The following TEX26 variants were observed in gnomAD, a reference collection of about 807,000 sequenced individuals.
TEX26 encodes the protein testis-expressed protein 26.
In TEX26, 34 loss-of-function variants were observed where a neutral mutation model predicts 35.3. That is an observed-to-expected ratio of 0.96 (90% confidence interval 0.73 to 1.28). TEX26 has a LOEUF of 1.28. Among genes scored for constraint, TEX26 ranks in the 50% most tolerant of loss-of-function variants. The pLI is 0.00. For missense variants in TEX26, 371 were observed against 330.1 expected, an observed-to-expected ratio of 1.12 and a Z score of -0.96; for synonymous variants, 136 against 111.8, an observed-to-expected ratio of 1.22 and a Z score of -1.36.
At position 30,974,872 on chromosome 13, in the gene TEX26, C is replaced by T. The variant is rs775005047; in HGVS notation, c.835C>T (p.Arg279Cys). 1.6e-5 allele frequency: 25 copies of T among 1,563,800 alleles called. No homozygotes were observed. Among genetic ancestry groups the T allele is most frequent in the South Asian group, 2.5e-5 (2 of 81,444 alleles). The change falls in exon 7 of 7, where the codon CGT (arginine) becomes TGT (cysteine). Residue 279 changes from arginine to cysteine, a missense_variant. By Grantham distance (180) the Arg-to-Cys change is radical. Coordinates refer to ENST00000380473, the MANE Select transcript of TEX26 (RefSeq NM_152325.3). ...TAGACAAATTATTGATCGCTTTATT[C>T]GTACTCACTGTGACACTAACAAAAA... ...KDRQIIDRFI[R>C]THCDTNKKKK
intron 2 of TEX26, among the ~76,000 whole-genome samples, chr13:30,944,555 C>T (rs1224594116): frequency 6.6e-6 from 1 of 151,956 alleles, no homozygotes; most frequent in African/African-American, 2.4e-5. Flanking sequence ...TGTGATCTTT[C>T]AGACTTTTTG....
In TEX26 at chr13:30,966,273, T is replaced by G. The variant is rs1465722424; in HGVS notation, c.521T>G (p.Leu174Arg). The G allele has an allele frequency of 6.2e-7, 1 of 1,613,942 alleles. No homozygotes were observed. The highest frequency in any genetic ancestry group is 8.5e-7 in the Non-Finnish European group (1 of 1,180,012). ...SHLSLEWKKL[L>R]PQPPDTEFRR... Reference sequence around the variant, plus strand: ...TTGTCTCTGGAATGGAAAAAGTTACTTCCCCAACCTCCAGACACTGAATTC... The same window carrying G: ...TTGTCTCTGGAATGGAAAAAGTTACGTCCCCAACCTCCAGACACTGAATTC... Residue 174 changes from leucine to arginine, a missense_variant, in exon 5 of 7, where the codon CTT (leucine) becomes CGT (arginine). Transcript: ENST00000380473.
intron 4 of TEX26, among the ~76,000 whole-genome samples, chr13:30,959,545 C>A (rs368834436): frequency 6.6e-6 from 1 of 152,152 alleles, no homozygotes; most frequent in African/African-American, 2.4e-5. Context: ...TACATGAGTA[C>A]GTAAATGTTT....
In TEX26 at chr13:30,974,847, T is replaced by G; in HGVS notation, c.810T>G (p.Asp270Glu). The change falls in exon 7 of 7, where the codon GAT becomes GAG. Residue 270 changes from aspartate to glutamate, a missense_variant and splice_region_variant. Physicochemically the swap from Asp to Glu is conservative, Grantham distance 45. Coordinates refer to ENST00000380473, the MANE Select transcript of TEX26 (RefSeq NM_152325.3). ...KEYLQSLSYK[D>E]RQIIDRFIRT... is the part of the protein sequence containing the mutation. Reference sequence around the variant, plus strand: ...CCTGTTTTTCTTCATACTTTTCAGATAGACAAATTATTGATCGCTTTATTC... The same window carrying G: ...CCTGTTTTTCTTCATACTTTTCAGAGAGACAAATTATTGATCGCTTTATTC... The G allele has an allele frequency of 6.4e-7, 1 of 1,555,590 alleles. No homozygotes were observed. The highest frequency in any genetic ancestry group is 2.1e-5 in the Admixed American group (1 of 47,514).
At chr13:30,956,826 G>A (rs1954150124) in intron 3 of TEX26, 47 bp from the exon 4 acceptor site, 2 of 1,535,968 alleles carry the variant, frequency 1.3e-6, no homozygotes, top group Non-Finnish European at 1.8e-6. Context: ...TGATCCTATT[G>A]GGTGAACCCA....
Position 30,952,663 on chromosome 13 carries a change from A to G in TEX26, c.150A>G (p.Gln50=). 1 of 1,579,488 alleles carries G rather than the reference A, an allele frequency of 6.3e-7. No homozygotes were observed. The highest frequency in any genetic ancestry group is 1.2e-5 in the South Asian group (1 of 80,998). The stretch of plus-strand genomic sequence containing the variant: ...TTTCTGCTGGGTTTTTTTATAGCCA[A>G]AACGGTATCAGAAGATTAGGATATA... The part of the protein sequence containing the change: ...KTGAVPALIR[Q]NGIRRLGYTY... Residue 50 remains glutamine (Q), a synonymous_variant, in exon 3 of 7, where the codon CAA becomes CAG. Coordinates refer to ENST00000380473, the MANE Select transcript of TEX26 (RefSeq NM_152325.3).
At chr13:30,968,511 C>T (rs1237982245) in intron 5 of TEX26, among the ~76,000 whole-genome samples, 2 of 152,170 alleles carry the variant, frequency 1.3e-5, no homozygotes, top group East Asian at 1.9e-4. Context: ...GCCATCTCAA[C>T]GTATATCAAA....
chr13:30,971,423 G>T (rs1954707295), intron 6 of TEX26, among the ~76,000 whole-genome samples: 1 of 152,112 alleles, frequency 6.6e-6, no homozygotes, highest in Non-Finnish European at 1.5e-5. Flanking sequence ...CATTTTAAAA[G>T]AGAGAGAGAA....
intron 2 of TEX26, among the ~76,000 whole-genome samples, chr13:30,940,522 A>T (rs1325398289): frequency 1.3e-5 from 2 of 151,370 alleles, no homozygotes; most frequent in Non-Finnish European, 2.9e-5. Flanking sequence ...TTTAGTAGAG[A>T]GAGGGTTTCA....
chr13:30,956,847 C>T (rs1357530428), intron 3 of TEX26, 26 bp from the exon 4 acceptor site: 2 of 1,607,960 alleles, frequency 1.2e-6, no homozygotes, highest in African/African-American at 2.7e-5. Context: ...TATGGATTTT[C>T]TTGAAAATTA....
At chr13:30,949,922 A>G (rs1025494216) in intron 2 of TEX26, among the ~76,000 whole-genome samples, 6 of 152,362 alleles carry the variant, frequency 3.9e-5, no homozygotes, top group African/African-American at 1.4e-4. Flanking sequence ...AGGTCAGCCT[A>G]TACTTTCATT....
chr13:30,939,693 G>A lies in TEX26; in HGVS notation c.62-1G>A. On this transcript the variant is annotated splice_acceptor_variant, in intron 1 of 6. Transcript: ENST00000380473. LOFTEE classifies it high-confidence loss of function. ...TTAAAACTGCTTTATTGTACTTTTA[G>A]CAGATGACCCCAACTGGGATTCCTA... 1 of 1,613,452 alleles carries A rather than the reference G, an allele frequency of 6.2e-7. No individual in the cohort carries two copies. Among genetic ancestry groups the A allele is most frequent in the Non-Finnish European group, 8.5e-7 (1 of 1,179,522 alleles).
intron 6 of TEX26, among the ~76,000 whole-genome samples, chr13:30,970,398 T>C (rs927249336): frequency 6.6e-6 from 1 of 151,988 alleles, no homozygotes; most frequent in African/African-American, 2.4e-5. Flanking sequence ...GCCTCCCTGC[T>C]CTCCACAGAT....
intron 2 of TEX26, among the ~76,000 whole-genome samples, chr13:30,945,247 C>A (rs1396940803): frequency 6.6e-6 from 1 of 151,634 alleles, no homozygotes; most frequent in Non-Finnish European, 1.5e-5. Flanking sequence ...TCTGTTTTAT[C>A]TGATATAAGA....
intron 2 of TEX26, among the ~76,000 whole-genome samples, chr13:30,945,956 T>C (rs1442812371): frequency 1.3e-5 from 2 of 151,992 alleles, no homozygotes; most frequent in South Asian, 4.1e-4. Flanking sequence ...TTGTGATGAA[T>C]CTCCCAGGAG....
chr13:30,944,578 A>G (rs1953634059), intron 2 of TEX26, among the ~76,000 whole-genome samples: 1 of 152,058 alleles, frequency 6.6e-6, no homozygotes, highest in African/African-American at 2.4e-5. Context: ...GTAGGCATTT[A>G]GTGCTATAAA....
intron 4 of TEX26, among the ~76,000 whole-genome samples, chr13:30,960,066 A>G (rs922918421): frequency 6.6e-6 from 1 of 152,218 alleles, no homozygotes; most frequent in Non-Finnish European, 1.5e-5. Flanking sequence ...CTAATGAAGA[A>G]AAAAAGACAT....
At chr13:30,955,688 G>A (rs1334609148) in intron 3 of TEX26, among the ~76,000 whole-genome samples, 4 of 152,180 alleles carry the variant, frequency 2.6e-5, no homozygotes, top group Non-Finnish European at 5.9e-5. Context: ...GATACAGATG[G>A]CAATGATCCA....
At chr13:30,947,169 A>G (rs1279154768) in intron 2 of TEX26, among the ~76,000 whole-genome samples, 1 of 152,156 alleles carries the variant, frequency 6.6e-6, no homozygotes, top group Non-Finnish European at 1.5e-5. Context: ...TACATTATAA[A>G]TGTTCATAAT....
Sources: gnomAD v4.1 joint callset for allele counts (sites outside exome capture counted in the v4.1 genomes callset) on GRCh38, gnomAD v4.1.1 for gene constraint, MANE v1.5 for transcripts, NCBI Gene and HGNC (gene_info 2026-07-23, HGNC 2026-07-21) for gene names.